ARHGEF4: variants seen among roughly 807,000 people sequenced by gnomAD.
ARHGEF4 encodes Rho guanine nucleotide exchange factor 4.
A neutral mutation model predicts 162.0 loss-of-function variants in ARHGEF4; 119 were observed. The observed-to-expected ratio is 0.73, with a 90% CI of 0.63 to 0.86. The LOEUF is 0.86. Among genes scored for constraint, ARHGEF4 ranks in the 40% least tolerant of loss-of-function variants. The pLI, the probability that ARHGEF4 is intolerant of heterozygous loss-of-function variation, is 0.00. For synonymous variants in ARHGEF4, 1,014 were observed against 979.9 expected, an observed-to-expected ratio of 1.03 and a Z score of -0.65; for missense variants, 2,488 against 2,456.0, an observed-to-expected ratio of 1.01 and a Z score of -0.28.
chr2:130,889,944 C>T (rs2104985498), intron 1 of ARHGEF4, among the ~76,000 whole-genome samples: 1 of 151,900 alleles, frequency 6.6e-6, no homozygotes, highest in East Asian at 1.9e-4. Context: ...CCTATTGATG[C>T]TCTTATCAGT....
chr2:130,910,670 C>T (rs1681123595), intron 1 of ARHGEF4, among the ~76,000 whole-genome samples: 1 of 152,178 alleles, frequency 6.6e-6, no homozygotes, highest in Non-Finnish European at 1.5e-5. Flanking sequence ...TGCACCGACC[C>T]ATTAGAGAAT....
Position 131,041,833 on chromosome 2 carries a change from A to C in ARHGEF4, c.4914A>C (p.Glu1638Asp). ...GCCCCAGGGACTTCAAGGATGTTGAAGCCGCCTTGCATGCCATGAAGAACG... is the reference window on the plus strand; with the variant it reads ...GCCCCAGGGACTTCAAGGATGTTGACGCCGCCTTGCATGCCATGAAGAACG... ...HPQHRDFKDV[E>D]AALHAMKNVA... The change falls in exon 10 of 14, where the codon GAA (glutamate) becomes GAC (aspartate). Residue 1638 changes from glutamate to aspartate, a missense_variant. Physicochemically the swap from Glu to Asp is conservative, Grantham distance 45. Coordinates refer to ENST00000409359, the MANE Select transcript of ARHGEF4 (RefSeq NM_001367493.1). 1 of 1,613,434 alleles carries C rather than the reference A, an allele frequency of 6.2e-7. No individual in the cohort carries two copies. Among genetic ancestry groups the C allele is most frequent in the Non-Finnish European group, 8.5e-7 (1 of 1,179,988 alleles).
Position 130,914,269 on chromosome 2 carries a change from T to C in ARHGEF4, c.323T>C (p.Val108Ala). ...DIEAPWEYPD[V>A]SATGPPQEQH... ...GAAGCACCTTGGGAATACCCTGATG[T>C]CTCAGCAACTGGACCCCCTCAGGAG... Residue 108 changes from valine (V) to alanine (A), a missense_variant, in exon 2 of 14, where the codon GTC becomes GCC. Physicochemically the swap from Val to Ala is moderately conservative, Grantham distance 64 (BLOSUM62 0). Coordinates refer to ENST00000409359, the MANE Select transcript of ARHGEF4 (RefSeq NM_001367493.1). 1 of 1,528,874 alleles carries C rather than the reference T, an allele frequency of 6.5e-7. No individual in the cohort carries two copies. Among genetic ancestry groups the C allele is most frequent in the Non-Finnish European group, 8.8e-7 (1 of 1,142,130 alleles). The allele number at this position is 1,528,874 out of a possible 1,614,324, so 94.7% of individuals were successfully genotyped here. A position where few individuals can be genotyped will look rare whatever the true frequency, so the allele number is the denominator to read the frequency against.
chr2:131,034,755 G>C (rs1690109005), intron 5 of ARHGEF4, among the ~76,000 whole-genome samples: 1 of 152,116 alleles, frequency 6.6e-6, no homozygotes, highest in Non-Finnish European at 1.5e-5. Flanking sequence ...TGTGCCACTG[G>C]CCAGCCCAGG....
chr2:130,914,559 C>T lies in ARHGEF4; in HGVS notation c.613C>T (p.Leu205Phe). 9.2e-6 allele frequency: 13 copies of T among 1,405,934 alleles called. No homozygotes were observed. The highest frequency in any genetic ancestry group is 1.2e-5 in the Non-Finnish European group (13 of 1,086,434). 87.1% of individuals were successfully genotyped at this position (1,405,934 alleles called of 1,614,324 possible). A position where few individuals can be genotyped will look rare whatever the true frequency, so the allele number is the denominator to read the frequency against. ...EPVQGVAVQDLRGLSSVSLQK... is the reference protein window; with the variant it reads ...EPVQGVAVQDFRGLSSVSLQK... ...AGTACAGGGGGTGGCTGTTCAAGAC[C>T]TCAGAGGGCTCTCCAGTGTTTCTCT... Residue 205 changes from leucine to phenylalanine, a missense_variant, in exon 2 of 14, where the codon CTC becomes TTC. Coordinates refer to ENST00000409359, the MANE Select transcript of ARHGEF4 (RefSeq NM_001367493.1).
intron 5 of ARHGEF4, among the ~76,000 whole-genome samples, chr2:131,032,519 C>A (rs1372758569): frequency 6.6e-6 from 1 of 152,018 alleles, no homozygotes; most frequent in Non-Finnish European, 1.5e-5. Context: ...GGCTGGACAG[C>A]AAGCTGGGCT....
chr2:131,032,848 CT>C (rs111971610), intron 5 of ARHGEF4, among the ~76,000 whole-genome samples: 10,561 of 128,428 alleles, frequency 0.082, 1,450 homozygotes, highest in African/African-American at 0.3. Context: ...TTTCTTTTTT[CT>C]TTTTTTTTTT....
At chr2:130,946,928 C>A (rs919297036) in intron 4 of ARHGEF4, 1 of 278,196 alleles carries the variant, frequency 3.6e-6, no homozygotes, top group Admixed American at 4.1e-5. Context: ...CATGGTGAAA[C>A]CCCATCTCTA....
Position 130,915,508 on chromosome 2 carries a change from G to A in ARHGEF4, c.1562G>A (p.Arg521Lys), listed in dbSNP as rs1681425969. Residue 521 changes from arginine (R) to lysine (K), a missense_variant, in exon 2 of 14, where the codon AGG becomes AAG. Around this residue, in one of 6 missense-constraint regions of ARHGEF4, gnomAD observed 1,642 missense variants for 1,481.5 expected, o/e 1.11. Transcript: ENST00000409359. ...VLSEESKSPT[R>K]AKFPRQPSSE... is the part of the protein sequence containing the mutation. Reference sequence around the variant, plus strand: ...AGCGAGGAAAGCAAGTCACCTACCAGGGCCAAGTTCCCACGGCAGCCTAGC... The same window carrying A: ...AGCGAGGAAAGCAAGTCACCTACCAAGGCCAAGTTCCCACGGCAGCCTAGC... The A allele has an allele frequency of 2.6e-6, 4 of 1,550,542 alleles. No homozygotes were observed. The highest frequency in any genetic ancestry group is 1.7e-4 in the Middle Eastern group (1 of 5,992).
In ARHGEF4 at chr2:130,975,628, G is replaced by A. The variant is rs529522737; in HGVS notation, c.3985+28993G>A. 2.4e-4 allele frequency among the ~76,000 whole-genome samples: 37 copies of A among 152,152 alleles called. No homozygotes were observed. The South Asian group carries it at 5.6e-3, about 23-fold the overall frequency. On this transcript the variant is annotated intron_variant, in intron 4 of 13. Transcript: ENST00000409359. Reference sequence around the variant, plus strand: ...CCCTGCCTCCAGTCCCACCTGTGCCGCCCAGAAGGCTGCACGTGGCATGCC... The same window carrying A: ...CCCTGCCTCCAGTCCCACCTGTGCCACCCAGAAGGCTGCACGTGGCATGCC...
intron 1 of ARHGEF4, among the ~76,000 whole-genome samples, chr2:130,895,255 T>G (rs1680089566): frequency 6.6e-6 from 1 of 152,096 alleles, no homozygotes; most frequent in South Asian, 2.1e-4. Flanking sequence ...CTGTTGTGAG[T>G]GTGAGCAGCC....
intron 1 of ARHGEF4, among the ~76,000 whole-genome samples, chr2:130,850,989 C>T (rs376602241): frequency 4.6e-5 from 7 of 152,356 alleles, no homozygotes; most frequent in African/African-American, 2.4e-5. Flanking sequence ...GACTTTGGGC[C>T]GTTCACTCAG....
chr2:130,988,872 G>GTGTATATA (rs1161821092), intron 4 of ARHGEF4, among the ~76,000 whole-genome samples: 1 of 108,512 alleles, frequency 9.2e-6, no homozygotes, highest in African/African-American at 3.7e-5. Context: ...GTGTGTGTGT[G>GTGTATATA]TATATATATA....
rs540856282 is a variant in ARHGEF4, at chr2:131,011,573, T to A, written c.3986-16372T>A. 988 of 1,485,752 alleles carry A rather than the reference T, an allele frequency of 6.6e-4. 1 individual carries two copies. Among genetic ancestry groups the A allele is most frequent in the South Asian group, 1.5e-3 (118 of 76,472 alleles). 92.0% of individuals were successfully genotyped at this position (1,485,752 alleles called of 1,614,324 possible). A position where few individuals can be genotyped will look rare whatever the true frequency, so the allele number is the denominator to read the frequency against. On this transcript the variant is annotated intron_variant, in intron 4 of 13. Transcript: ENST00000409359. ...GCATGTGCTTCCATATCAGCCACTT[T>A]GGACAGCATTTCATGCTATTAATCC... is the stretch of plus-strand genomic sequence containing the variant.
chr2:131,027,974 G>A lies in ARHGEF4; in HGVS notation c.4015G>A (p.Val1339Ile), dbSNP rs1413749682. 6.2e-7 allele frequency: 1 copy of A among 1,614,080 alleles called. No homozygotes were observed. Among genetic ancestry groups the A allele is most frequent in the Non-Finnish European group, 8.5e-7 (1 of 1,180,030 alleles). The stretch of plus-strand genomic sequence containing the variant: ...GCCTGATGGAGCTCTGGACACAGCT[G>A]TCTGCGCTGACGAAGTGGGGAGCGA... ...AMPDGALDTA[V>I]CADEVGSEED... Residue 1339 changes from valine to isoleucine, a missense_variant, in exon 5 of 14, where the codon GTC becomes ATC. Physicochemically the swap from Val to Ile is conservative, Grantham distance 29 (BLOSUM62 3). This residue lies in a region of ARHGEF4 where 1,642 missense variants were observed against 1,481.5 expected (regional missense o/e 1.11). Transcript: ENST00000409359.
Position 130,846,545 on chromosome 2 carries a change from A to G in ARHGEF4, c.39+9553A>G, listed in dbSNP as rs113393946. Among the ~76,000 whole-genome samples, 79 of 152,270 alleles carry G rather than the reference A, an allele frequency of 5.2e-4. 1 individual carries two copies. The highest frequency in any genetic ancestry group is 1.9e-3 in the African/African-American group (79 of 41,574). ...TGACCCCTGCCGTGGGGAGGTGCAC[A>G]TGGGGAGAGCGATATGGGACGGCGA... is the stretch of plus-strand genomic sequence containing the variant. On this transcript the variant is annotated intron_variant, in intron 1 of 13. Coordinates refer to ENST00000409359, the MANE Select transcript of ARHGEF4 (RefSeq NM_001367493.1).
At position 131,041,212 on chromosome 2, in the gene ARHGEF4, T is replaced by C. The variant is rs372464032; in HGVS notation, c.4663-18T>C. ...GGAGCAGCAGAGAGCTCTGCTAACC[T>C]CCAGCTGTGCCCCTTAGCAAGCCGA... is the stretch of plus-strand genomic sequence containing the variant. On this transcript the variant is annotated intron_variant, in intron 8 of 13. Coordinates refer to ENST00000409359, the MANE Select transcript of ARHGEF4 (RefSeq NM_001367493.1). The C allele has an allele frequency of 5.7e-4, 917 of 1,606,692 alleles. 15 individuals carry two copies. In the South Asian group the frequency reaches 9.0e-3, roughly 16 times the overall value.
intron 3 of ARHGEF4, among the ~76,000 whole-genome samples, chr2:130,938,269 C>G (rs1286353331): frequency 6.6e-6 from 1 of 152,112 alleles, no homozygotes; most frequent in Non-Finnish European, 1.5e-5. Flanking sequence ...GAGGGCTGTA[C>G]CATTTTACAT....
intron 4 of ARHGEF4, among the ~76,000 whole-genome samples, chr2:131,015,554 A>T (rs1688720282): frequency 6.6e-6 from 1 of 152,184 alleles, no homozygotes; most frequent in Non-Finnish European, 1.5e-5. Context: ...TGTACATCTA[A>T]AACTGTTCTT....
Sources: allele counts gnomAD v4.1 joint callset (sites outside exome capture counted in the v4.1 genomes callset), GRCh38; gene constraint gnomAD v4.1.1; regional missense constraint gnomAD v4.1.1; transcripts MANE v1.5; gene names NCBI Gene and HGNC (gene_info 2026-07-23, HGNC 2026-07-21).